The following SYN3 variants were observed in gnomAD, a reference collection of about 807,000 sequenced individuals.
The protein encoded by SYN3 is synapsin-3.
A neutral mutation model predicts 65.8 loss-of-function variants in SYN3; 35 were observed. That is an observed-to-expected ratio of 0.53 (90% CI 0.41 to 0.70). The LOEUF (loss-of-function observed/expected upper bound fraction) is 0.70. SYN3 is among the 30% of genes least tolerant of loss of function. SYN3 has a pLI of 0.00. For missense variants in SYN3, 680 were observed against 749.0 expected, an observed-to-expected ratio of 0.91 and a Z score of 1.08; for synonymous variants, 270 against 292.9, an observed-to-expected ratio of 0.92 and a Z score of 0.80.
Position 32,513,658 on chromosome 22 carries a change from G to C in SYN3, c.*34C>G, listed in dbSNP as rs1054933. 1 of 1,610,922 alleles carries C rather than the reference G, an allele frequency of 6.2e-7. No homozygotes were observed. Among genetic ancestry groups the C allele is most frequent in the Non-Finnish European group, 8.5e-7 (1 of 1,178,132 alleles). ...ATGAGGCAGGAGGGGGACGAGTGTAGCAGAGCACTCTTCCCCTCCCAGCCT... is the reference window on the plus strand; with the variant it reads ...ATGAGGCAGGAGGGGGACGAGTGTACCAGAGCACTCTTCCCCTCCCAGCCT... On this transcript the variant is annotated 3_prime_UTR_variant, in exon 14 of 14. Coordinates refer to ENST00000358763, the MANE Select transcript of SYN3 (RefSeq NM_003490.4).
At chr22:32,667,496 CAA>C (rs1265160412) in intron 6 of SYN3, among the ~76,000 whole-genome samples, 1 of 152,178 alleles carries the variant, frequency 6.6e-6, no homozygotes, top group Non-Finnish European at 1.5e-5. Context: ...AAAAGTATTG[CAA>C]AGTCTTGGCA....
intron 7 of SYN3, among the ~76,000 whole-genome samples, chr22:32,589,013 T>A (rs2059091287): frequency 1.3e-5 from 2 of 152,178 alleles, no homozygotes; most frequent in South Asian, 4.1e-4. Flanking sequence ...ATAGCCCGCC[T>A]CTTAATTTGC....
At chr22:32,615,179 C>T (rs2059498377) in intron 6 of SYN3, among the ~76,000 whole-genome samples, 1 of 151,950 alleles carries the variant, frequency 6.6e-6, no homozygotes, top group African/African-American at 2.4e-5. Context: ...GGGAAGAATC[C>T]CAGACTTTGG....
intron 7 of SYN3, 66 bp downstream of exon 7, chr22:32,596,608 G>A (rs2059203627): frequency 1.3e-6 from 2 of 1,545,524 alleles, no homozygotes; most frequent in Non-Finnish European, 8.9e-7. Flanking sequence ...CAGAGGGAGA[G>A]AGGAACAGGT....
chr22:32,820,957 T>A (rs2047229665), intron 6 of SYN3, among the ~76,000 whole-genome samples: 1 of 152,192 alleles, frequency 6.6e-6, no homozygotes, highest in Non-Finnish European at 1.5e-5. Context: ...TTAATTGGCT[T>A]CAAGGTCTCT....
At chr22:32,580,857 C>A (rs896001066) in intron 7 of SYN3, among the ~76,000 whole-genome samples, 1 of 152,174 alleles carries the variant, frequency 6.6e-6, no homozygotes, top group African/African-American at 2.4e-5. Context: ...TGACCCTTGC[C>A]TAGATCATGG....
chr22:32,621,632 C>T (rs1039434833), intron 6 of SYN3, among the ~76,000 whole-genome samples: 5 of 152,164 alleles, frequency 3.3e-5, no homozygotes, highest in Non-Finnish European at 7.3e-5. Flanking sequence ...CGGCCTGAAG[C>T]GAGTGCTGCC....
intron 6 of SYN3, among the ~76,000 whole-genome samples, chr22:32,672,714 T>C (rs1410091012): frequency 5.9e-5 from 9 of 152,270 alleles, no homozygotes; most frequent in African/African-American, 2.2e-4. Flanking sequence ...GCCCTTTCTT[T>C]CTCCCTGCAG....
chr22:32,560,598 T>A (rs983221810), intron 7 of SYN3, among the ~76,000 whole-genome samples: 4 of 152,042 alleles, frequency 2.6e-5, no homozygotes, highest in Non-Finnish European at 5.9e-5. Flanking sequence ...AAGAGGCCGA[T>A]GTGGATGCAG....
At chr22:32,580,584 G>A (rs1458986855) in intron 7 of SYN3, among the ~76,000 whole-genome samples, 1 of 152,132 alleles carries the variant, frequency 6.6e-6, no homozygotes, top group Non-Finnish European at 1.5e-5. Flanking sequence ...GTCTTGGAAT[G>A]TATCCTTTGC....
chr22:32,986,911 G>T (rs2052544091), intron 2 of SYN3, among the ~76,000 whole-genome samples: 1 of 152,110 alleles, frequency 6.6e-6, no homozygotes, highest in South Asian at 2.1e-4. Flanking sequence ...TTATAAAACT[G>T]GTGCTGCCTG....
chr22:32,788,468 A>G (rs767239388), intron 6 of SYN3, among the ~76,000 whole-genome samples: 20 of 152,138 alleles, frequency 1.3e-4, no homozygotes, highest in Non-Finnish European at 2.6e-4. Context: ...TTGAACTCAG[A>G]AGGCGGAGGT....
rs371894350 is a variant in SYN3 at position 33,048,910 on chromosome 22, G to C, written c.-163+9382C>G. Among the ~76,000 whole-genome samples the C allele has an allele frequency of 1.1e-3, 167 of 152,262 alleles. 1 individual carries two copies. The highest frequency in any genetic ancestry group is 3.9e-3 in the African/African-American group (161 of 41,568). ...CCTCTCCTTCACCCCATGCCCTAGAGATTTGACAGTTACCTTAAAAACAGA... is the reference window on the plus strand; with the variant it reads ...CCTCTCCTTCACCCCATGCCCTAGACATTTGACAGTTACCTTAAAAACAGA... On this transcript the variant is annotated intron_variant, in intron 1 of 13. Coordinates refer to ENST00000358763, the MANE Select transcript of SYN3 (RefSeq NM_003490.4).
At chr22:32,711,808 A>C (rs1337673601) in intron 6 of SYN3, among the ~76,000 whole-genome samples, 1 of 152,234 alleles carries the variant, frequency 6.6e-6, no homozygotes, top group African/African-American at 2.4e-5. Flanking sequence ...TTCTTGAATA[A>C]TACCAAGTTC....
intron 6 of SYN3, among the ~76,000 whole-genome samples, chr22:32,682,485 A>T (rs1379832706): frequency 1.3e-5 from 2 of 152,088 alleles, no homozygotes; most frequent in Non-Finnish European, 2.9e-5. Flanking sequence ...CAGGAATTAG[A>T]TGTAGGACGA....
At chr22:32,932,475 C>T (rs1299746185) in intron 3 of SYN3, among the ~76,000 whole-genome samples, 3 of 152,098 alleles carry the variant, frequency 2.0e-5, no homozygotes, top group Admixed American at 2.0e-4. Flanking sequence ...ATGCACAAAC[C>T]ATGTTTTCTG....
intron 6 of SYN3, among the ~76,000 whole-genome samples, chr22:32,739,575 A>G (rs1313028591): frequency 2.6e-5 from 4 of 152,306 alleles, no homozygotes; most frequent in South Asian, 2.1e-4. Flanking sequence ...TACCTGGTCC[A>G]CACAGGTGTG....
At chr22:32,829,559 G>A (rs923677504) in intron 6 of SYN3, among the ~76,000 whole-genome samples, 4 of 152,228 alleles carry the variant, frequency 2.6e-5, no homozygotes, top group South Asian at 2.1e-4. Flanking sequence ...CTCCTGTTTC[G>A]TGAAAAACGG....
Position 32,801,892 on chromosome 22 carries a change from C to T in SYN3, c.711+63023G>A. The T allele has an allele frequency of 1.8e-5, 25 of 1,353,490 alleles. No individual in the cohort carries two copies. The highest frequency in any genetic ancestry group is 2.3e-5 in the Non-Finnish European group (24 of 1,058,040). 83.8% of individuals were successfully genotyped at this position (1,353,490 alleles called of 1,614,324 possible). On this transcript the variant is annotated intron_variant, in intron 6 of 13. Coordinates refer to ENST00000358763, the MANE Select transcript of SYN3 (RefSeq NM_003490.4). The surrounding 1 kb of genome is among the most constrained non-coding windows in gnomAD (Gnocchi z 4.7). ...AGCGCGCCGGAGGCCAAGGTTGCCC[C>T]GCACGGCCCGGCGGGCGAGCGAGCT...
Sources: allele counts gnomAD v4.1 joint callset (sites outside exome capture counted in the v4.1 genomes callset), GRCh38; gene constraint gnomAD v4.1.1; non-coding constraint Gnocchi (gnomAD v3.1); transcripts MANE v1.5; gene names NCBI Gene and HGNC (gene_info 2026-07-23, HGNC 2026-07-21).